Variants in CCDC28B observed in about 807,000 individuals in gnomAD.
CCDC28B encodes coiled-coil domain containing 28B.
In CCDC28B, 17 loss-of-function variants were observed where a neutral mutation model predicts 18.7. The ratio of observed to expected loss-of-function variants is 0.91; its 90% CI spans 0.62 to 1.36. The LOEUF is 1.36. CCDC28B is among the 40% of genes most tolerant of loss of function. The pLI is 0.00. For synonymous variants in CCDC28B, 116 were observed against 105.1 expected (o/e 1.10, Z -0.64); for missense variants, 213 against 251.7 (o/e 0.85, Z 1.04).
intron 2 of CCDC28B, chr1:32,203,144 A>AT (rs1362814716): frequency 2.6e-5 from 4 of 151,520 alleles, no homozygotes; most frequent in African/African-American, 9.7e-5. Flanking sequence ...ACAAAAAAAA[A>AT]ATTTTTTTTT....
chr1:32,204,930 T>C, intron 5 of CCDC28B: 1 of 1,434,042 alleles, frequency 7.0e-7, no homozygotes. Context: ...TTTTTACTAA[T>C]TTACACTACC....
intron 2 of CCDC28B, among the ~76,000 whole-genome samples, chr1:32,203,631 C>T (rs996506294): frequency 6.6e-6 from 1 of 152,090 alleles, no homozygotes; most frequent in Non-Finnish European, 1.5e-5. Flanking sequence ...CCCAGGGACC[C>T]CCTTTCAGGC....
chr1:32,203,988 G>T lies in CCDC28B; in HGVS notation c.274G>T (p.Glu92Ter). The T allele has an allele frequency of 1.3e-6, 2 of 1,577,956 alleles. No homozygotes were observed. Among genetic ancestry groups the T allele is most frequent in the Non-Finnish European group, 1.7e-6 (2 of 1,162,382 alleles). The change falls in exon 3 of 6, where the codon GAG (glutamate) becomes TAG (stop). Residue 92 changes from glutamate (E) to a stop codon, truncating the protein, a stop_gained. Coordinates refer to ENST00000373602, the MANE Select transcript of CCDC28B (RefSeq NM_024296.5). LOFTEE classifies it high-confidence loss of function. ...LTEVTDVYEM[E>*]GGLLNLLNDF... is the part of the protein sequence containing the mutation. The stretch of plus-strand genomic sequence containing the variant: ...CGAGGTGACTGATGTCTATGAGATG[G>T]AGGGGGGACTCCTGAACCTGCTCAA...
upstream of CCDC28B, among the ~76,000 whole-genome samples, chr1:32,198,939 C>T (rs1206830544): frequency 2.0e-5 from 3 of 152,178 alleles, no homozygotes; most frequent in Admixed American, 2.0e-4. Context: ...GGGGTGGACA[C>T]TCATCACTGC....
chr1:32,198,553 C>T (rs1024133914), upstream of CCDC28B, among the ~76,000 whole-genome samples: 1 of 152,188 alleles, frequency 6.6e-6, no homozygotes, highest in African/African-American at 2.4e-5. Context: ...TTTCCCTGAC[C>T]TGGGGGCTCA....
intron 1 of CCDC28B, among the ~76,000 whole-genome samples, chr1:32,201,120 G>A (rs1250728981): frequency 7.0e-6 from 1 of 143,450 alleles, no homozygotes; most frequent in Non-Finnish European, 1.5e-5. Flanking sequence ...CCAGCCGACC[G>A]GAGGCTTGGG....
Position 32,202,718 on chromosome 1 carries a change from C to A in CCDC28B, c.164+619C>A, listed in dbSNP as rs569518266. Reference sequence around the variant, plus strand: ...AAGGCAACTGGGAAGGCAGGAGGGCCAGGCTGGCAGGGGCATTCAATTTTA... The same window carrying A: ...AAGGCAACTGGGAAGGCAGGAGGGCAAGGCTGGCAGGGGCATTCAATTTTA... On this transcript the variant is annotated intron_variant, in intron 2 of 5. Coordinates refer to ENST00000373602, the MANE Select transcript of CCDC28B (RefSeq NM_024296.5). 1.2e-3 allele frequency: 196 copies of A among 162,900 alleles called. 1 individual carries two copies. The highest frequency in any genetic ancestry group is 2.4e-3 in the Non-Finnish European group (177 of 74,270). 10.1% of individuals were successfully genotyped at this position (162,900 alleles called of 1,614,324 possible).
intron 1 of CCDC28B, among the ~76,000 whole-genome samples, chr1:32,201,152 C>T (rs1017622164): frequency 7.2e-5 from 11 of 152,190 alleles, no homozygotes; most frequent in African/African-American, 2.7e-4. Context: ...GACCGGGGAC[C>T]TCGGAGCAGC....
chr1:32,197,089 C>T (rs1012684080), upstream of CCDC28B: 12 of 152,216 alleles, frequency 7.9e-5, no homozygotes, highest in Non-Finnish European at 1.3e-4. This position sits in a 1 kb window ranked among gnomAD's most constrained non-coding sequence, Gnocchi z 4.6. Flanking sequence ...CTGGAGTAGT[C>T]CTTGCCTCTT....
chr1:32,205,135 G>A lies in CCDC28B; in HGVS notation c.549-59G>A. ...TGAGGGAACTAAACCTGTGCAAGAT[G>A]GGAGACCGGGGTGGGAGGAAGGACT... On this transcript the variant is annotated intron_variant, in intron 5 of 5. Coordinates refer to ENST00000373602, the MANE Select transcript of CCDC28B (RefSeq NM_024296.5). The surrounding 1 kb of genome is among the most constrained non-coding windows in gnomAD (Gnocchi z 5.6). 6.3e-7 allele frequency: 1 copy of A among 1,598,706 alleles called. No homozygotes were observed. Among genetic ancestry groups the A allele is most frequent in the Non-Finnish European group, 8.6e-7 (1 of 1,168,810 alleles).
chr1:32,204,750 C>T, intron 5 of CCDC28B, 130 bp downstream of exon 5: 2 of 1,613,714 alleles, frequency 1.2e-6, no homozygotes, highest in Admixed American at 3.3e-5. Flanking sequence ...GATTTAGCCA[C>T]AGACTGCCCA....
intron 2 of CCDC28B, chr1:32,202,437 G>A: frequency 2.3e-6 from 1 of 439,774 alleles, no homozygotes; most frequent in Non-Finnish European, 4.4e-6. Flanking sequence ...ACCACAGGTG[G>A]TTTGGGGGCC....
In CCDC28B at chr1:32,203,870, C is replaced by A; in HGVS notation, c.165-9C>A. On this transcript the variant is annotated splice_polypyrimidine_tract_variant and intron_variant, in intron 2 of 5. Coordinates refer to ENST00000373602, the MANE Select transcript of CCDC28B (RefSeq NM_024296.5). ...ACCCTGTGATCATGGTCATGTCCACCCCACCCAGAGTAGGCAAAGAGAAGT... is the reference window on the plus strand; with the variant it reads ...ACCCTGTGATCATGGTCATGTCCACACCACCCAGAGTAGGCAAAGAGAAGT... The A allele has an allele frequency of 6.7e-7, 1 of 1,498,352 alleles. No individual in the cohort carries two copies. The highest frequency in any genetic ancestry group is 8.9e-7 in the Non-Finnish European group (1 of 1,124,300). 92.8% of individuals were successfully genotyped at this position (1,498,352 alleles called of 1,614,324 possible).
chr1:32,202,385 G>A (rs1463567443), intron 2 of CCDC28B: 1 of 593,354 alleles, frequency 1.7e-6, no homozygotes, highest in South Asian at 1.5e-5. Context: ...GGCTTACCTG[G>A]TATAAATATG....
upstream of CCDC28B, among the ~76,000 whole-genome samples, chr1:32,200,004 G>A (rs372466988): frequency 6.6e-6 from 1 of 152,144 alleles, no homozygotes; most frequent in East Asian, 1.9e-4. Flanking sequence ...TTATGACCTG[G>A]TGCTCCCCAC....
intron 2 of CCDC28B, chr1:32,202,675 G>A: frequency 5.5e-6 from 1 of 183,180 alleles, no homozygotes; most frequent in Non-Finnish European, 1.2e-5. Context: ...GCTCAAGGCT[G>A]TGGGGAGAGT....
chr1:32,203,413 C>T (rs1019327548), intron 2 of CCDC28B, among the ~76,000 whole-genome samples: 1 of 151,858 alleles, frequency 6.6e-6, no homozygotes, highest in Admixed American at 6.6e-5. Flanking sequence ...GCCGAGATCA[C>T]ACCACTGCAC....
intron 4 of CCDC28B, 29 bp from the exon 5 acceptor site, chr1:32,204,569 G>C (rs1268630380): frequency 6.5e-7 from 1 of 1,546,938 alleles, no homozygotes; most frequent in Admixed American, 2.0e-5. Context: ...CCTCCTAACA[G>C]AAGCCTCCCT....
intron 3 of CCDC28B, 40 bp from the exon 4 acceptor site, chr1:32,204,146 A>G: frequency 6.2e-7 from 1 of 1,611,610 alleles, no homozygotes; most frequent in Non-Finnish European, 8.5e-7. Flanking sequence ...CCAGGGTTCC[A>G]GGACTCTTTC....
Sources: allele counts gnomAD v4.1 joint callset (sites outside exome capture counted in the v4.1 genomes callset), GRCh38; gene constraint gnomAD v4.1.1; non-coding constraint Gnocchi (gnomAD v3.1); transcripts MANE v1.5; gene names NCBI Gene and HGNC (gene_info 2026-07-23, HGNC 2026-07-21).